Variants in HHATL observed in about 807,000 individuals in gnomAD.
HHATL encodes the protein hedgehog acyltransferase like, also known as protein-cysteine N-palmitoyltransferase HHAT-like protein.
A neutral mutation model predicts 59.7 loss-of-function variants in HHATL; 49 were observed. The ratio of observed to expected loss-of-function variants is 0.82; its 90% CI spans 0.65 to 1.04. The LOEUF (loss-of-function observed/expected upper bound fraction) is 1.04, where lower values mean the gene tolerates loss of function less well. Ranked by LOEUF, HHATL falls within the 50% of genes least tolerant of loss-of-function variation. The pLI, the probability that HHATL is intolerant of heterozygous loss-of-function variation, is 0.00. For missense variants in HHATL, 605 were observed against 650.8 expected (o/e 0.93, Z 0.77); for synonymous variants, 238 against 257.3 (o/e 0.93, Z 0.72).
intron 5 of HHATL, 59 bp from the exon 6 acceptor site, chr3:42,698,410 C>G (rs1697752570): frequency 5.4e-6 from 8 of 1,485,450 alleles, no homozygotes; most frequent in African/African-American, 1.4e-5. Context: ...TCTGGAAAAC[C>G]TATTCCCCAC....
chr3:42,696,358 G>A (rs1477708860), intron 9 of HHATL, among the ~76,000 whole-genome samples: 1 of 151,912 alleles, frequency 6.6e-6, no homozygotes, highest in Non-Finnish European at 1.5e-5. Flanking sequence ...CACTCCCAAA[G>A]CCTAAAAACC....
intron 1 of HHATL, among the ~76,000 whole-genome samples, 164 bp downstream of exon 1, chr3:42,702,415 C>T (rs1698044402): frequency 1.3e-5 from 2 of 152,250 alleles, no homozygotes; most frequent in African/African-American, 4.8e-5. Flanking sequence ...CAGACCAGGG[C>T]TGGCCTGTGG....
chr3:42,693,705 T>C lies in HHATL; in HGVS notation c.1160A>G (p.Tyr387Cys). The change falls in exon 10 of 12, where the codon TAC becomes TGC. Residue 387 changes from tyrosine (Y) to cysteine (C), a missense_variant. Coordinates refer to ENST00000441594, the MANE Select transcript of HHATL (RefSeq NM_020707.4). ...AAAGCAGTTAAGGAATGACCACAGG[T>C]AGACAATGTCACAAGGCCCAAGCCA... ...TLWLGPCDIV[Y>C]LWSFLNCFGL... 1.2e-6 allele frequency: 2 copies of C among 1,614,122 alleles called. No individual in the cohort carries two copies. The highest frequency in any genetic ancestry group is 2.2e-5 in the East Asian group (1 of 44,882).
Position 42,697,641 on chromosome 3 carries a change from C to T in HHATL, c.732G>A (p.Leu244=), listed in dbSNP as rs1452402703. 5.6e-6 allele frequency: 9 copies of T among 1,613,964 alleles called. No homozygotes were observed. The Admixed American group carries it at 6.7e-5, about 12-fold the overall frequency. The change falls in exon 7 of 12, where the codon CTG becomes CTA. Residue 244 remains leucine, a synonymous_variant. Coordinates refer to ENST00000441594, the MANE Select transcript of HHATL (RefSeq NM_020707.4). ...GGCCTGCCTGGGCTCGGATGTGCCA[C>T]AGCTCACCCTCGCGTCTCACTGGCT... is the stretch of plus-strand genomic sequence containing the variant. ...QVEPVRREGE[L]WHIRAQAGLS... is the part of the protein sequence containing the mutation.
chr3:42,699,651 G>A, intron 3 of HHATL, 107 bp downstream of exon 3: 1 of 926,932 alleles, frequency 1.1e-6, no homozygotes, highest in Admixed American at 2.4e-5. Flanking sequence ...GCTCAAGCCA[G>A]AGGCCCCAGA....
rs146384822 is a variant in HHATL at position 42,699,061 on chromosome 3, C to A, written c.259G>T (p.Ala87Ser). The A allele has an allele frequency of 1.3e-4, 214 of 1,614,164 alleles. No individual in the cohort carries two copies. In the African/African-American group the frequency reaches 2.4e-3, roughly 18 times the overall value. The change falls in exon 4 of 12, where the codon GCT (alanine) becomes TCT (serine). Residue 87 changes from alanine to serine, a missense_variant. Physicochemically the swap from Ala to Ser is moderately conservative, Grantham distance 99 (BLOSUM62 1). Transcript: ENST00000441594. ...GGGGCAACCATCGTGCAGAGTTTAG[C>A]AAACAGCACATGTCCGGAGAGGGCA... ...IFALSGHVLF[A>S]KLCTMVAPKL...
In HHATL at chr3:42,692,887, G is replaced by A. The variant is rs1161314045; in HGVS notation, c.1391-12C>T. 6.2e-7 allele frequency: 1 copy of A among 1,613,434 alleles called. No individual in the cohort carries two copies. The highest frequency in any genetic ancestry group is 1.1e-5 in the South Asian group (1 of 91,052). On this transcript the variant is annotated splice_polypyrimidine_tract_variant and intron_variant, in intron 11 of 11. Transcript: ENST00000441594. The stretch of plus-strand genomic sequence containing the variant: ...GGTCTGGGGGAACCCTGTGTGGGGA[G>A]GGAGTCATAGATGCTCAGGAGCAGC...
chr3:42,698,055 G>C, intron 6 of HHATL, 87 bp downstream of exon 6: 1 of 1,344,224 alleles, frequency 7.4e-7, no homozygotes, highest in Non-Finnish European at 1.1e-6. Context: ...GATACAGCCT[G>C]CTTGGGGAAT....
chr3:42,700,908 C>A (rs1263807384), intron 1 of HHATL, 69 bp from the exon 2 acceptor site: 5 of 1,065,188 alleles, frequency 4.7e-6, no homozygotes, highest in Non-Finnish European at 5.7e-6. Flanking sequence ...ATGGTCCCAC[C>A]ACCCCAGTGG....
At chr3:42,697,753 A>AC in intron 6 of HHATL, 74 bp from the exon 7 acceptor site, 1 of 1,472,972 alleles carries the variant, frequency 6.8e-7, no homozygotes, top group African/African-American at 1.4e-5. Context: ...GGGCTCACCA[A>AC]CTACTTGGGG....
Position 42,698,277 on chromosome 3 carries a change from A to G in HHATL, c.558T>C (p.Arg186=), listed in dbSNP as rs1236655880. The G allele has an allele frequency of 1.2e-6, 2 of 1,614,122 alleles. No homozygotes were observed. The highest frequency in any genetic ancestry group is 1.1e-5 in the South Asian group (1 of 91,072). Residue 186 remains arginine, a synonymous_variant, in exon 6 of 12, where the codon CGT becomes CGC. Coordinates refer to ENST00000441594, the MANE Select transcript of HHATL (RefSeq NM_020707.4). ...AGCTCTCCAGTGCAAAGCTGGTGCA[A>G]CGCAGCACTGTGAAGCTGCTGCCCC... is the stretch of plus-strand genomic sequence containing the variant. ...FHGGSSFTVL[R]CTSFALESCA...
In HHATL at chr3:42,701,943, TG is replaced by T. The variant is rs1698012227; in HGVS notation, c.-14+635del. On this transcript the variant is annotated intron_variant, in intron 1 of 11. Transcript: ENST00000441594. The surrounding 1 kb of genome is among the most constrained non-coding windows in gnomAD (Gnocchi z 5.1). ...TCCCCAGCCCTGTAGCCATCTCCCC[TG>T]GGCCCCCCAGCAGCCGACGGTCTCC... Among the ~76,000 whole-genome samples the T allele has an allele frequency of 6.6e-6, 1 of 152,116 alleles. No individual in the cohort carries two copies. Among genetic ancestry groups the T allele is most frequent in the Non-Finnish European group, 1.5e-5 (1 of 68,012 alleles).
At position 42,696,880 on chromosome 3, in the gene HHATL, G is replaced by T; in HGVS notation, c.1011-3C>A. 6.2e-7 allele frequency: 1 copy of T among 1,614,166 alleles called. No homozygotes were observed. Among genetic ancestry groups the T allele is most frequent in the Non-Finnish European group, 8.5e-7 (1 of 1,180,012 alleles). ...CGTTGATGCCACGGTCAAAGTGCCT[G>T]TAAGAGGAAAGCAGATGGGCATGTT... On this transcript the variant is annotated splice_polypyrimidine_tract_variant and splice_region_variant and intron_variant, in intron 8 of 11. Transcript: ENST00000441594.
At chr3:42,695,534 C>T (rs1174834671) in intron 9 of HHATL, among the ~76,000 whole-genome samples, 1 of 152,158 alleles carries the variant, frequency 6.6e-6, no homozygotes, top group Non-Finnish European at 1.5e-5. Flanking sequence ...AGCTGCTTCT[C>T]CCTTGCTCTG....
chr3:42,697,099 G>T lies in HHATL; in HGVS notation c.912C>A (p.Ala304=), dbSNP rs752335329. Reference sequence around the variant, plus strand: ...CAGTGTTGACAACACCAAAGAGGACGGCCGCCTTCACCCAGTCATACACCA... The same window carrying T: ...CAGTGTTGACAACACCAAAGAGGACTGCCGCCTTCACCCAGTCATACACCA... The part of the protein sequence containing the change: ...SNLVYDWVKA[A]VLFGVVNTVA... Residue 304 remains alanine (A), a synonymous_variant, in exon 8 of 12, where the codon GCC becomes GCA. Coordinates refer to ENST00000441594, the MANE Select transcript of HHATL (RefSeq NM_020707.4). 19 of 1,562,174 alleles carry T rather than the reference G, an allele frequency of 1.2e-5. No individual in the cohort carries two copies. The Admixed American group carries it at 1.3e-4, about 11-fold the overall frequency.
chr3:42,694,477 T>G (rs1050882357), intron 9 of HHATL, among the ~76,000 whole-genome samples: 9 of 152,366 alleles, frequency 5.9e-5, no homozygotes, highest in South Asian at 2.1e-4. Flanking sequence ...GCCAGAGGCA[T>G]CTTTTAAGAG....
At chr3:42,698,964 G>T (rs1302384186) in intron 4 of HHATL, 62 bp from the exon 5 acceptor site, 11 of 1,609,226 alleles carry the variant, frequency 6.8e-6, no homozygotes, top group Non-Finnish European at 8.5e-6. Context: ...CCAGGAGGGG[G>T]TTCCCACAAC....
At position 42,697,393 on chromosome 3, in the gene HHATL, C is replaced by T. The variant is rs1697675334; in HGVS notation, c.865+115G>A. The T allele has an allele frequency of 1.0e-5, 13 of 1,253,490 alleles. No homozygotes were observed. In the South Asian group the frequency reaches 1.6e-4, roughly 15 times the overall value. The allele number at this position is 1,253,490 out of a possible 1,614,324, so 77.6% of individuals were successfully genotyped here. A position where few individuals can be genotyped will look rare whatever the true frequency, so the allele number is the denominator to read the frequency against. ...AAGAATAAGCCCCTGCTCCCACGCC[C>T]TCAGGTGCTGTGCCCTGCGTGCCTC... is the stretch of plus-strand genomic sequence containing the variant. On this transcript the variant is annotated intron_variant, in intron 7 of 11. Transcript: ENST00000441594.
At chr3:42,693,311 G>T in intron 10 of HHATL, 93 bp from the exon 11 acceptor site, 1 of 1,503,192 alleles carries the variant, frequency 6.7e-7, no homozygotes, top group Non-Finnish European at 9.0e-7. Context: ...GGCCAGTCAG[G>T]TCTTGGGGCT....
Sources: gnomAD v4.1 joint callset for allele counts (sites outside exome capture counted in the v4.1 genomes callset) on GRCh38, gnomAD v4.1.1 for gene constraint, Gnocchi (gnomAD v3.1) non-coding constraint, MANE v1.5 for transcripts, NCBI Gene and HGNC (gene_info 2026-07-23, HGNC 2026-07-21) for gene names.